The following NALF1 variants were observed in gnomAD, a reference collection of about 807,000 sequenced individuals.
NALF1 encodes family with sequence similarity 155 member A.
NALF1 carries 3 observed loss-of-function variants against 48.4 expected under a neutral mutation model. The observed-to-expected ratio is 0.06, with a 90% CI of 0.03 to 0.16. The LOEUF (loss-of-function observed/expected upper bound fraction) is 0.16, where lower values mean the gene tolerates loss of function less well. NALF1 is among the 10% of genes least tolerant of loss of function. The pLI is 1.00. For synonymous variants in NALF1, 262 were observed against 245.7 expected (o/e 1.07, Z -0.62); for missense variants, 526 against 571.5 (o/e 0.92, Z 0.81).
intron 1 of NALF1, among the ~76,000 whole-genome samples, chr13:107,356,540 G>A (rs945792167): frequency 1.3e-5 from 2 of 152,048 alleles, no homozygotes; most frequent in African/African-American, 2.4e-5. Context: ...CTATCTATAC[G>A]ATTTTTCTAG....
chr13:107,418,738 G>A (rs1481706175), intron 1 of NALF1, among the ~76,000 whole-genome samples: 1 of 151,924 alleles, frequency 6.6e-6, no homozygotes, highest in Non-Finnish European at 1.5e-5. Flanking sequence ...AGTGCCTATT[G>A]TTTCCATCTT....
At chr13:107,624,054 T>C (rs1414673095) in intron 1 of NALF1, among the ~76,000 whole-genome samples, 4 of 152,162 alleles carry the variant, frequency 2.6e-5, no homozygotes, top group Admixed American at 2.6e-4. Context: ...ACTTTAACAT[T>C]GGTAAAAATG....
chr13:107,247,409 C>A (rs1328637109), intron 1 of NALF1, among the ~76,000 whole-genome samples: 1 of 152,132 alleles, frequency 6.6e-6, no homozygotes, highest in Admixed American at 6.5e-5. Flanking sequence ...TGATGATACA[C>A]CCCAAAGGGG....
chr13:107,548,877 C>A (rs1877210321), intron 1 of NALF1, among the ~76,000 whole-genome samples: 1 of 151,912 alleles, frequency 6.6e-6, no homozygotes, highest in Non-Finnish European at 1.5e-5. Context: ...ATAAAGACAG[C>A]TTTGGTCATA....
chr13:107,827,499 A>G (rs1879556015), intron 1 of NALF1, among the ~76,000 whole-genome samples: 1 of 152,222 alleles, frequency 6.6e-6, no homozygotes. Flanking sequence ...AGCTAAATCC[A>G]GTGCTTCCCA....
intron 1 of NALF1, among the ~76,000 whole-genome samples, chr13:107,287,706 C>CTTTTTTTTTTTTTTTTT (rs59607599): frequency 2.3e-5 from 3 of 127,902 alleles, no homozygotes; most frequent in Non-Finnish European, 3.2e-5. Flanking sequence ...TCTTTTCTTT[C>CTTTTTTTTTTTTTTTTT]TTTTTTTTTT....
chr13:107,828,788 C>CA (rs1239971233), intron 1 of NALF1, among the ~76,000 whole-genome samples: 1 of 151,968 alleles, frequency 6.6e-6, no homozygotes, highest in South Asian at 2.1e-4. Flanking sequence ...TCAAAACCTA[C>CA]AAAAAACAGA....
intron 1 of NALF1, among the ~76,000 whole-genome samples, chr13:107,539,969 C>G (rs1442804481): frequency 1.3e-5 from 2 of 151,406 alleles, no homozygotes; most frequent in Non-Finnish European, 2.9e-5. Context: ...TGATGAATAG[C>G]TCTAATTAAT....
chr13:107,826,210 T>C (rs1040776949), intron 1 of NALF1, among the ~76,000 whole-genome samples: 2 of 152,226 alleles, frequency 1.3e-5, no homozygotes, highest in African/African-American at 4.8e-5. Context: ...GAACATTCAT[T>C]TGAGATCCCT....
chr13:107,260,159 G>T (rs1420820928), intron 1 of NALF1, among the ~76,000 whole-genome samples: 5 of 152,182 alleles, frequency 3.3e-5, no homozygotes. Context: ...TCATGTTCAT[G>T]ACTAAACCTA....
At chr13:107,583,785 A>G (rs996567473) in intron 1 of NALF1, among the ~76,000 whole-genome samples, 2 of 152,136 alleles carry the variant, frequency 1.3e-5, no homozygotes, top group African/African-American at 4.8e-5. Context: ...TTTCAAAGCA[A>G]TATGTGTCTC....
chr13:107,194,367 G>A (rs577920552), intron 2 of NALF1, among the ~76,000 whole-genome samples: 5 of 152,228 alleles, frequency 3.3e-5, no homozygotes, highest in African/African-American at 1.2e-4. Context: ...GGTATGCATA[G>A]AAATAGGCAT....
At chr13:107,441,270 C>A (rs990203156) in intron 1 of NALF1, among the ~76,000 whole-genome samples, 3 of 152,174 alleles carry the variant, frequency 2.0e-5, no homozygotes. Flanking sequence ...TCAGACCAGA[C>A]ATGACCACCT....
At chr13:107,748,784 T>C (rs192552424) in intron 1 of NALF1, among the ~76,000 whole-genome samples, 8 of 152,286 alleles carry the variant, frequency 5.3e-5, no homozygotes, top group Admixed American at 2.6e-4. Flanking sequence ...ACACATTATT[T>C]GATTAATTAT....
rs1317350911 is a variant in NALF1, at chr13:107,277,823, C to G, written c.916-67068G>C. 2.0e-5 allele frequency among the ~76,000 whole-genome samples: 3 copies of G among 152,180 alleles called. No homozygotes were observed. In the East Asian group the frequency reaches 5.8e-4, roughly 29 times the overall value. Reference sequence around the variant, plus strand: ...ACCTATAAGCATCAAATCAACATGACTTTAAAATAATAAGCAAGCTGGTAG... The same window carrying G: ...ACCTATAAGCATCAAATCAACATGAGTTTAAAATAATAAGCAAGCTGGTAG... On this transcript the variant is annotated intron_variant, in intron 1 of 2. Transcript: ENST00000375915.
intron 1 of NALF1, among the ~76,000 whole-genome samples, chr13:107,380,058 G>T (rs1594145407): frequency 6.6e-6 from 1 of 152,268 alleles, no homozygotes; most frequent in Middle Eastern, 3.4e-3. Flanking sequence ...TTTCCTTAAT[G>T]GGCTGATATG....
chr13:107,743,424 T>TA (rs1371127164), intron 1 of NALF1, among the ~76,000 whole-genome samples: 1 of 152,086 alleles, frequency 6.6e-6, no homozygotes, highest in Non-Finnish European at 1.5e-5. Context: ...TTAAAGGTAA[T>TA]AAGGGCCATA....
chr13:107,398,521 T>C (rs1007439973), intron 1 of NALF1, among the ~76,000 whole-genome samples: 3 of 152,200 alleles, frequency 2.0e-5, no homozygotes, highest in Non-Finnish European at 2.9e-5. Flanking sequence ...TTCATTATTA[T>C]TCTTGGATAG....
Position 107,664,258 on chromosome 13 carries a change from C to T in NALF1, c.915+201424G>A, listed in dbSNP as rs568071295. Reference sequence around the variant, plus strand: ...ACATATACAAAATCTGTCCACTTATCTACTGTGTTGGTTCTACCTTCCGGT... The same window carrying T: ...ACATATACAAAATCTGTCCACTTATTTACTGTGTTGGTTCTACCTTCCGGT... On this transcript the variant is annotated intron_variant, in intron 1 of 2. Transcript: ENST00000375915. Among the ~76,000 whole-genome samples, 22 of 152,264 alleles carry T rather than the reference C, an allele frequency of 1.4e-4. No homozygotes were observed. The East Asian group carries it at 3.3e-3, about 23-fold the overall frequency.
Sources: gnomAD v4.1 joint callset for allele counts (sites outside exome capture counted in the v4.1 genomes callset) on GRCh38, gnomAD v4.1.1 for gene constraint, MANE v1.5 for transcripts, NCBI Gene and HGNC (gene_info 2026-07-23, HGNC 2026-07-21) for gene names.